The following LSS variants were observed in gnomAD, a reference collection of about 807,000 sequenced individuals.
LSS encodes the protein lanosterol synthase.
LSS carries 90 observed loss-of-function variants against 110.3 expected under a neutral mutation model. That is an observed-to-expected ratio of 0.82 (90% CI 0.69 to 0.97). The LOEUF is 0.97. LSS is among the 50% of genes least tolerant of loss of function. The pLI, the probability that LSS is intolerant of heterozygous loss-of-function variation, is 0.00. For missense variants in LSS, 927 were observed against 990.0 expected (o/e 0.94, Z 0.85); for synonymous variants, 433 against 400.0 (o/e 1.08, Z -0.98).
At position 46,209,901 on chromosome 21, in the gene LSS, C is replaced by A. The variant is rs557815604; in HGVS notation, c.1195-276G>T. Among the ~76,000 whole-genome samples, 1 of 152,306 alleles carries A rather than the reference C, an allele frequency of 6.6e-6. No individual in the cohort carries two copies. Among genetic ancestry groups the A allele is most frequent in the Non-Finnish European group, 1.5e-5 (1 of 68,024 alleles). On this transcript the variant is annotated intron_variant, in intron 12 of 21. Transcript: ENST00000397728. The surrounding 1 kb of genome is among the most constrained non-coding windows in gnomAD (Gnocchi z 4.4). ...TGGCCAGCATCCATGCCCAGAGGGT[C>A]TCCAGCACCCTGTGTAGGCAGGCCC...
chr21:46,189,875 G>A lies in LSS; in HGVS notation c.*1229C>T, dbSNP rs2079782622. On this transcript the variant is annotated 3_prime_UTR_variant, in exon 22 of 22. Coordinates refer to ENST00000397728, the MANE Select transcript of LSS (RefSeq NM_002340.6). Reference sequence around the variant, plus strand: ...CAGTCTCAGGTGGCCCTGAGCATGTGAGCTGCTCATCCACATCAGGCAAAG... The same window carrying A: ...CAGTCTCAGGTGGCCCTGAGCATGTAAGCTGCTCATCCACATCAGGCAAAG... 1 of 367,476 alleles carries A rather than the reference G, an allele frequency of 2.7e-6. No individual in the cohort carries two copies. The highest frequency in any genetic ancestry group is 2.7e-5 in the African/African-American group (1 of 36,800). The allele number at this position is 367,476 out of a possible 1,614,324, so 22.8% of individuals were successfully genotyped here.
chr21:46,206,063 C>G, intron 16 of LSS, 122 bp from the exon 17 acceptor site: 1 of 685,734 alleles, frequency 1.5e-6, no homozygotes, highest in South Asian at 1.8e-5. Context: ...CGCTGCCTCC[C>G]TGACCAACCT....
chr21:46,213,877 A>G (rs2080166763), intron 9 of LSS, 42 bp from the exon 10 acceptor site: 2 of 1,396,670 alleles, frequency 1.4e-6, no homozygotes, highest in Non-Finnish European at 2.0e-6. Flanking sequence ...CTCCAGACCC[A>G]CAGCAGCCTC....
At chr21:46,220,756 T>C (rs549243594) in intron 5 of LSS, among the ~76,000 whole-genome samples, 32 of 136,408 alleles carry the variant, frequency 2.3e-4, no homozygotes, top group African/African-American at 1.1e-3. Context: ...AGGCCGGGCA[T>C]GGAGAGGTAG....
intron 6 of LSS, 56 bp downstream of exon 6, chr21:46,219,420 C>T (rs2080246214): frequency 3.0e-6 from 4 of 1,346,976 alleles, no homozygotes; most frequent in African/African-American, 3.0e-5. Context: ...GTCCCTGTCA[C>T]TCTACTCCCC....
At chr21:46,218,931 T>G (rs1225881065) in intron 6 of LSS, among the ~76,000 whole-genome samples, 3 of 152,116 alleles carry the variant, frequency 2.0e-5, no homozygotes, top group Non-Finnish European at 2.9e-5. Flanking sequence ...TTCACTATGT[T>G]GGCCAGGATG....
At chr21:46,224,994 T>C (rs538251909) in intron 3 of LSS, among the ~76,000 whole-genome samples, 1 of 152,210 alleles carries the variant, frequency 6.6e-6, no homozygotes, top group Non-Finnish European at 1.5e-5. Flanking sequence ...CACATGGCTG[T>C]AATCCCAGCT....
At chr21:46,201,992 C>T (rs865895542) in intron 17 of LSS, among the ~76,000 whole-genome samples, 23 of 150,988 alleles carry the variant, frequency 1.5e-4, no homozygotes, top group East Asian at 1.2e-3. Flanking sequence ...GACAAGGTTT[C>T]ACCGTGTTAG....
rs771816755 is a variant in LSS at position 46,215,234 on chromosome 21, C to A, written c.957G>T (p.Leu319=). Reference sequence around the variant, plus strand: ...GGTCGTCGGCCACAATGTGTTCATACAGCTTCTGCACGGCCCGCTGCCGCA... The same window carrying A: ...GGTCGTCGGCCACAATGTGTTCATAAAGCTTCTGCACGGCCCGCTGCCGCA... ...AHLRQRAVQK[L]YEHIVADDRF... The change falls in exon 9 of 22, where the codon CTG becomes CTT. Residue 319 remains leucine, a synonymous_variant. Transcript: ENST00000397728. 4.8e-5 allele frequency: 78 copies of A among 1,611,392 alleles called. No individual in the cohort carries two copies. The East Asian group carries it at 1.7e-3, about 35-fold the overall frequency.
chr21:46,215,701 C>G lies in LSS; in HGVS notation c.876G>C (p.Leu292=). The change falls in exon 8 of 22, where the codon CTG becomes CTC. Residue 292 remains leucine, a synonymous_variant. Transcript: ENST00000397728. ...PDELYTPHSW[L]LRVVYALLNL... ...GGCGCTCACCATATACCACGCGGAG[C>G]AGCCAGCTGTGCGGCGTGTACAGCT... 6.2e-7 allele frequency: 1 copy of G among 1,611,528 alleles called. No homozygotes were observed. Among genetic ancestry groups the G allele is most frequent in the Non-Finnish European group, 8.5e-7 (1 of 1,178,670 alleles).
At chr21:46,220,109 G>A (rs1002752477) in intron 5 of LSS, among the ~76,000 whole-genome samples, 1 of 152,216 alleles carries the variant, frequency 6.6e-6, no homozygotes, top group African/African-American at 2.4e-5. Flanking sequence ...AGCCACTTCA[G>A]CAGCAGCAGT....
intron 9 of LSS, among the ~76,000 whole-genome samples, chr21:46,214,255 TCAGAA>T (rs1484996971): frequency 1.3e-5 from 2 of 152,198 alleles, no homozygotes; most frequent in African/African-American, 4.8e-5. Flanking sequence ...CCCTTCTTCC[TCAGAA>T]CAGAATGTTC....
intron 2 of LSS, among the ~76,000 whole-genome samples, 157 bp from the exon 3 acceptor site, chr21:46,227,847 G>A (rs1018920883): frequency 6.6e-6 from 1 of 152,234 alleles, no homozygotes; most frequent in African/African-American, 2.4e-5. Context: ...TCTTTGATGA[G>A]AGCATCACAC....
At chr21:46,226,860 C>CA (rs2080347256) in intron 3 of LSS, among the ~76,000 whole-genome samples, 1 of 152,138 alleles carries the variant, frequency 6.6e-6, no homozygotes, top group South Asian at 2.1e-4. Flanking sequence ...CTATCTATTA[C>CA]AAAGTCAGCG....
At chr21:46,192,826 A>T (rs1387871820) in intron 20 of LSS, 4 of 443,174 alleles carry the variant, frequency 9.0e-6, no homozygotes, top group African/African-American at 8.7e-5. Flanking sequence ...CCATGTACGT[A>T]TGTCTGTGTG....
In LSS at chr21:46,210,668, AAAGAG is replaced by A. The variant is rs756211806; in HGVS notation, c.1194+15_1194+19del. 6.2e-7 allele frequency: 1 copy of A among 1,613,306 alleles called. No individual in the cohort carries two copies. Among genetic ancestry groups the A allele is most frequent in the Non-Finnish European group, 8.5e-7 (1 of 1,179,812 alleles). On this transcript the variant is annotated intron_variant, in intron 12 of 21. Transcript: ENST00000397728. Reference sequence around the variant, plus strand: ...ACAGGAAGGTCAGCTGAGGCTGAGAAAAGAGAAGGAGCCACGAACCTCAAGCAGAG... The same window carrying A: ...ACAGGAAGGTCAGCTGAGGCTGAGAAAAGGAGCCACGAACCTCAAGCAGAG...
At chr21:46,205,983 G>A in intron 16 of LSS, 42 bp from the exon 17 acceptor site, 2 of 1,437,396 alleles carry the variant, frequency 1.4e-6, no homozygotes, top group Non-Finnish European at 1.9e-6. Context: ...GTTTCACCCT[G>A]GCTGCCCAGG....
At chr21:46,207,966 C>T (rs2080075833) in intron 14 of LSS, among the ~76,000 whole-genome samples, 2 of 152,384 alleles carry the variant, frequency 1.3e-5, no homozygotes, top group Non-Finnish European at 2.9e-5. Flanking sequence ...CCCGGACACA[C>T]TGGCTACACT....
intron 15 of LSS, 33 bp downstream of exon 15, chr21:46,207,395 G>T: frequency 6.2e-7 from 1 of 1,607,930 alleles, no homozygotes; most frequent in Non-Finnish European, 8.5e-7. Flanking sequence ...AGGACACGAG[G>T]TATGGACGGG....
Sources: allele counts gnomAD v4.1 joint callset (sites outside exome capture counted in the v4.1 genomes callset), GRCh38; gene constraint gnomAD v4.1.1; non-coding constraint Gnocchi (gnomAD v3.1); transcripts MANE v1.5; gene names NCBI Gene and HGNC (gene_info 2026-07-23, HGNC 2026-07-21).